The following HS3ST4 variants were observed in gnomAD, a reference collection of about 807,000 sequenced individuals.
HS3ST4 encodes the protein heparan sulfate glucosamine 3-O-sulfotransferase 4.
Under a neutral mutation model 29.2 loss-of-function variants are expected in HS3ST4, and 17 were observed. The observed-to-expected ratio is 0.58, with a 90% confidence interval of 0.40 to 0.87. The LOEUF (loss-of-function observed/expected upper bound fraction) is 0.87. Among genes scored for constraint, HS3ST4 ranks in the 40% least tolerant of loss-of-function variants. HS3ST4 has a pLI of 0.00. For missense variants in HS3ST4, 627 were observed against 634.5 expected (o/e 0.99, Z 0.13); for synonymous variants, 314 against 285.7 (o/e 1.10, Z -1.00).
At chr16:25,825,497 G>A (rs1408523554) in intron 1 of HS3ST4, 1 of 152,306 alleles carries the variant, frequency 6.6e-6, no homozygotes, top group Non-Finnish European at 1.5e-5. Context: ...GATCTTGATG[G>A]TCTTGTAGGA....
chr16:26,054,001 G>A (rs1289163554), intron 1 of HS3ST4, among the ~76,000 whole-genome samples: 13 of 152,108 alleles, frequency 8.5e-5, no homozygotes, highest in Non-Finnish European at 1.9e-4. Context: ...ACAAAGACAA[G>A]GAAAAGGAAA....
chr16:25,867,262 A>G (rs1048697578), intron 1 of HS3ST4, among the ~76,000 whole-genome samples: 2 of 152,212 alleles, frequency 1.3e-5, no homozygotes, highest in Admixed American at 1.3e-4. Flanking sequence ...CTTAAGGAGA[A>G]TTCAGAAAGG....
chr16:25,982,643 C>T (rs186865400), intron 1 of HS3ST4, among the ~76,000 whole-genome samples: 1 of 152,232 alleles, frequency 6.6e-6, no homozygotes, highest in Admixed American at 6.5e-5. Context: ...GCCTCGTCAA[C>T]ATAGTGAGAC....
At chr16:26,013,208 A>C (rs1969327560) in intron 1 of HS3ST4, among the ~76,000 whole-genome samples, 1 of 152,056 alleles carries the variant, frequency 6.6e-6, no homozygotes, top group Non-Finnish European at 1.5e-5. Flanking sequence ...AAAACACCAA[A>C]AAAACAAAAC....
intron 1 of HS3ST4, among the ~76,000 whole-genome samples, chr16:26,012,145 A>G (rs1969316633): frequency 6.6e-6 from 1 of 152,244 alleles, no homozygotes; most frequent in Non-Finnish European, 1.5e-5. Context: ...ATAAGTCAGC[A>G]GGGTGTGGTT....
At chr16:25,797,924 G>A (rs981487141) in intron 1 of HS3ST4, among the ~76,000 whole-genome samples, 6 of 152,134 alleles carry the variant, frequency 3.9e-5, no homozygotes, top group African/African-American at 1.4e-4. Flanking sequence ...ATTCTCCACT[G>A]GTCAAGCTCT....
intron 1 of HS3ST4, among the ~76,000 whole-genome samples, chr16:25,712,875 T>A (rs914594653): frequency 2.6e-5 from 4 of 152,156 alleles, no homozygotes; most frequent in Non-Finnish European, 5.9e-5. Context: ...GCTGGAAGTC[T>A]GAGATTAGAG....
intron 1 of HS3ST4, among the ~76,000 whole-genome samples, chr16:25,985,218 A>G (rs1969049585): frequency 6.6e-6 from 1 of 152,186 alleles, no homozygotes; most frequent in South Asian, 2.1e-4. Context: ...CTGACACATG[A>G]AAATACCCAG....
intron 1 of HS3ST4, among the ~76,000 whole-genome samples, chr16:26,018,469 G>A (rs1367925871): frequency 1.3e-5 from 2 of 152,108 alleles, no homozygotes; most frequent in Non-Finnish European, 2.9e-5. Flanking sequence ...TGTGTACCAG[G>A]CATTGTCCTA....
rs1469848833 is a variant in HS3ST4 at position 25,692,273 on chromosome 16, G to A, written c.-145G>A. 2 of 153,940 alleles carry A rather than the reference G, an allele frequency of 1.3e-5. No homozygotes were observed. The highest frequency in any genetic ancestry group is 1.4e-4 in the Admixed American group (2 of 14,750). 9.5% of individuals were successfully genotyped at this position (153,940 alleles called of 1,614,324 possible). On this transcript the variant is annotated 5_prime_UTR_variant, in exon 1 of 2. Coordinates refer to ENST00000331351, the MANE Select transcript of HS3ST4 (RefSeq NM_006040.3). Reference sequence around the variant, plus strand: ...CAGCGGCCAGGGCCGGGGGCGCAGCGGCGTCGCTTCATGCAGCCGGGGCGG... The same window carrying A: ...CAGCGGCCAGGGCCGGGGGCGCAGCAGCGTCGCTTCATGCAGCCGGGGCGG...
At chr16:25,916,240 G>A (rs990661227) in intron 1 of HS3ST4, among the ~76,000 whole-genome samples, 9 of 152,148 alleles carry the variant, frequency 5.9e-5, no homozygotes, top group Non-Finnish European at 8.8e-5. Flanking sequence ...ATTCAACTAC[G>A]TCATGCTCTG....
chr16:25,928,558 T>A (rs1489504944), intron 1 of HS3ST4, among the ~76,000 whole-genome samples: 1 of 152,180 alleles, frequency 6.6e-6, no homozygotes, highest in Admixed American at 6.5e-5. Context: ...TCATGTGGCC[T>A]CCTATGCTTT....
chr16:25,871,909 G>GA (rs57742866), intron 1 of HS3ST4, among the ~76,000 whole-genome samples: 11,457 of 151,538 alleles, frequency 0.076, 562 homozygotes, highest in African/African-American at 0.13. Context: ...TACTGTATGG[G>GA]AACAAGAATA....
intron 1 of HS3ST4, among the ~76,000 whole-genome samples, chr16:25,720,351 T>A (rs775111678): frequency 3.9e-5 from 6 of 152,096 alleles, no homozygotes; most frequent in Non-Finnish European, 4.4e-5. Flanking sequence ...AGACCCCTAG[T>A]AAGATGGGAG....
chr16:25,916,040 A>C (rs1223249795), intron 1 of HS3ST4, among the ~76,000 whole-genome samples: 1 of 152,224 alleles, frequency 6.6e-6, no homozygotes, highest in Non-Finnish European at 1.5e-5. Flanking sequence ...TGCTTCAGAC[A>C]TGGAGGAGGA....
intron 1 of HS3ST4, chr16:26,032,879 T>A: frequency 6.9e-7 from 1 of 1,454,262 alleles, no homozygotes; most frequent in Non-Finnish European, 9.4e-7. Flanking sequence ...CGGGCTTTGG[T>A]CGGTCTGGGG....
intron 1 of HS3ST4, among the ~76,000 whole-genome samples, chr16:25,766,285 G>A (rs912474375): frequency 2.0e-5 from 3 of 152,056 alleles, no homozygotes; most frequent in African/African-American, 7.2e-5. Context: ...CAGGAGGCAT[G>A]GAATAAAGTT....
chr16:25,707,419 A>G (rs577371636), intron 1 of HS3ST4, among the ~76,000 whole-genome samples: 1 of 152,298 alleles, frequency 6.6e-6, no homozygotes, highest in South Asian at 2.1e-4. Flanking sequence ...ATAGCTATGT[A>G]TGTATAGGAA....
At chr16:25,736,213 T>TTCATAACGAC (rs1392306605) in intron 1 of HS3ST4, among the ~76,000 whole-genome samples, 1 of 152,216 alleles carries the variant, frequency 6.6e-6, no homozygotes, top group Non-Finnish European at 1.5e-5. Flanking sequence ...TGGAATGGCA[T>TTCATAACGAC]TCATAACGAC....
Sources: allele counts gnomAD v4.1 joint callset (sites outside exome capture counted in the v4.1 genomes callset), GRCh38; gene constraint gnomAD v4.1.1; transcripts MANE v1.5; gene names NCBI Gene and HGNC (gene_info 2026-07-23, HGNC 2026-07-21).